The following KCNMB2 variants were observed in gnomAD, a reference collection of about 807,000 sequenced individuals.
The protein encoded by KCNMB2 is potassium calcium-activated channel subfamily M regulatory beta subunit 2.
A neutral mutation model predicts 24.5 loss-of-function variants in KCNMB2; 9 were observed. That is an observed-to-expected ratio of 0.37 (90% CI 0.22 to 0.64). The LOEUF (loss-of-function observed/expected upper bound fraction) is 0.64, where lower values mean the gene tolerates loss of function less well. Ranked by LOEUF, KCNMB2 falls within the 30% of genes least tolerant of loss-of-function variation. The pLI, the probability that KCNMB2 is intolerant of heterozygous loss-of-function variation, is 0.63. For synonymous variants in KCNMB2, 109 were observed against 104.4 expected, an observed-to-expected ratio of 1.04 and a Z score of -0.27; for missense variants, 226 against 284.3, an observed-to-expected ratio of 0.79 and a Z score of 1.47.
intron 1 of KCNMB2, among the ~76,000 whole-genome samples, chr3:178,592,054 T>C (rs549018764): frequency 1.3e-5 from 2 of 152,282 alleles, no homozygotes; most frequent in South Asian, 4.1e-4. Flanking sequence ...CAGTTCAAGT[T>C]TGTATCTTTC....
intron 1 of KCNMB2, among the ~76,000 whole-genome samples, chr3:178,629,481 G>A (rs1326306194): frequency 1.3e-5 from 2 of 152,162 alleles, no homozygotes; most frequent in South Asian, 2.1e-4. Context: ...ACTTGGTTGG[G>A]GTGAGAATGG....
At chr3:178,672,692 C>G (rs1488906841) in intron 1 of KCNMB2, among the ~76,000 whole-genome samples, 1 of 152,156 alleles carries the variant, frequency 6.6e-6, no homozygotes, top group African/African-American at 2.4e-5. Flanking sequence ...TTTGAGGAAG[C>G]TGATGGTACA....
intron 1 of KCNMB2, among the ~76,000 whole-genome samples, chr3:178,626,017 G>A (rs1257150999): frequency 2.6e-5 from 4 of 152,098 alleles, no homozygotes; most frequent in African/African-American, 9.7e-5. Flanking sequence ...AACTGATCAG[G>A]GAAACTATTT....
At chr3:178,584,698 TAAAG>T (rs1717359436) in intron 1 of KCNMB2, among the ~76,000 whole-genome samples, 1 of 134,582 alleles carries the variant, frequency 7.4e-6, no homozygotes, top group African/African-American at 3.0e-5. Flanking sequence ...TAAAATGGAA[TAAAG>T]AAACCAAAAA....
chr3:178,665,717 C>T (rs1331699328), intron 1 of KCNMB2, among the ~76,000 whole-genome samples: 1 of 152,130 alleles, frequency 6.6e-6, no homozygotes, highest in Non-Finnish European at 1.5e-5. Context: ...GGCAATAGAG[C>T]AGCACACAAG....
chr3:178,725,193 G>T (rs1722928315), intron 1 of KCNMB2, among the ~76,000 whole-genome samples: 1 of 151,928 alleles, frequency 6.6e-6, no homozygotes, highest in Non-Finnish European at 1.5e-5. Flanking sequence ...ATTTGTTTAG[G>T]CAATGTTTTA....
intron 1 of KCNMB2, among the ~76,000 whole-genome samples, chr3:178,565,956 A>C (rs765486338): frequency 5.9e-5 from 9 of 152,230 alleles, no homozygotes; most frequent in Non-Finnish European, 1.5e-5. Context: ...AAATATGTCC[A>C]AAGTTCCAAG....
intron 1 of KCNMB2, among the ~76,000 whole-genome samples, chr3:178,723,531 C>T (rs891458066): frequency 6.6e-6 from 1 of 152,034 alleles, no homozygotes; most frequent in Non-Finnish European, 1.5e-5. Context: ...AATACATGTG[C>T]AGGTTTATTA....
intron 1 of KCNMB2, among the ~76,000 whole-genome samples, chr3:178,742,595 C>T (rs1450492373): frequency 6.6e-6 from 1 of 152,146 alleles, no homozygotes; most frequent in South Asian, 2.1e-4. Flanking sequence ...GCAAGTCTGT[C>T]ACTGGTATAA....
rs184659642 is a variant in KCNMB2, at chr3:178,690,834, G to C, written c.-67-116509G>C. Among the ~76,000 whole-genome samples, 204 of 152,278 alleles carry C rather than the reference G, an allele frequency of 1.3e-3. 3 individuals carry two copies. Among genetic ancestry groups the C allele is most frequent in the Middle Eastern group, 3.4e-3 (1 of 294 alleles). On this transcript the variant is annotated intron_variant, in intron 1 of 4. Transcript: ENST00000452583. ...AACTCAGAGTTCTTCTGCTTCAAAC[G>C]TTTTGGCAGGGAATCTATGGAATCA...
intron 1 of KCNMB2, among the ~76,000 whole-genome samples, chr3:178,565,512 C>A (rs1333735620): frequency 6.6e-6 from 1 of 152,212 alleles, no homozygotes; most frequent in Non-Finnish European, 1.5e-5. Context: ...GCAGCAGCCA[C>A]AAACTCATTC....
At chr3:178,590,902 T>C (rs1373958958) in intron 1 of KCNMB2, among the ~76,000 whole-genome samples, 1 of 152,134 alleles carries the variant, frequency 6.6e-6, no homozygotes, top group African/African-American at 2.4e-5. Flanking sequence ...AAATTCTTTT[T>C]CCCCCAAACA....
At chr3:178,543,976 C>T (rs1435297005) in intron 1 of KCNMB2, among the ~76,000 whole-genome samples, 1 of 152,098 alleles carries the variant, frequency 6.6e-6, no homozygotes, top group Non-Finnish European at 1.5e-5. Context: ...TGCCTCCTTC[C>T]ACCCCTCCTT....
chr3:178,691,953 G>C (rs768711075), intron 1 of KCNMB2, among the ~76,000 whole-genome samples: 7 of 152,110 alleles, frequency 4.6e-5, no homozygotes, highest in Non-Finnish European at 8.8e-5. Context: ...ATTCTGACTG[G>C]GGTGAGATGG....
At chr3:178,697,634 T>G (rs1399290736) in intron 1 of KCNMB2, among the ~76,000 whole-genome samples, 1 of 152,236 alleles carries the variant, frequency 6.6e-6, no homozygotes, top group Non-Finnish European at 1.5e-5. Flanking sequence ...TCTGTGGATT[T>G]GATCCTGTCA....
chr3:178,622,520 A>C (rs1467515237), intron 1 of KCNMB2, among the ~76,000 whole-genome samples: 1 of 152,210 alleles, frequency 6.6e-6, no homozygotes, highest in African/African-American at 2.4e-5. Flanking sequence ...GGTAAAGCCA[A>C]AGGAAGATCC....
chr3:178,673,342 C>T (rs544205423), intron 1 of KCNMB2, among the ~76,000 whole-genome samples: 2 of 152,184 alleles, frequency 1.3e-5, no homozygotes, highest in East Asian at 3.9e-4. Context: ...CTTTCCTAGT[C>T]TATTACCAAA....
intron 2 of KCNMB2, among the ~76,000 whole-genome samples, chr3:178,821,420 C>G (rs1442980282): frequency 6.6e-6 from 1 of 152,144 alleles, no homozygotes; most frequent in Non-Finnish European, 1.5e-5. Flanking sequence ...GACTTACTAC[C>G]TTTACTACTT....
intron 4 of KCNMB2, chr3:178,841,658 A>T (rs1430098828): frequency 6.6e-6 from 1 of 152,190 alleles, no homozygotes; most frequent in Admixed American, 6.5e-5. Flanking sequence ...TGAGAGAAGA[A>T]CTGTCAAACA....
Sources: allele counts gnomAD v4.1 joint callset (sites outside exome capture counted in the v4.1 genomes callset), GRCh38; gene constraint gnomAD v4.1.1; transcripts MANE v1.5; gene names NCBI Gene and HGNC (gene_info 2026-07-23, HGNC 2026-07-21).